ASPRV1: variants seen among roughly 807,000 people sequenced by gnomAD.
The protein encoded by ASPRV1 is retroviral-like aspartic protease 1.
Under a neutral mutation model 11.0 loss-of-function variants are expected in ASPRV1, and 7 were observed. The observed-to-expected ratio is 0.64, with a 90% confidence interval of 0.36 to 1.20. ASPRV1 has a LOEUF of 1.20. ASPRV1 is among the 50% of genes most tolerant of loss of function. The pLI is 0.02. For missense variants in ASPRV1, 299 were observed against 320.0 expected (o/e 0.93, Z 0.50); for synonymous variants, 136 against 138.4 (o/e 0.98, Z 0.12).
downstream of ASPRV1, among the ~76,000 whole-genome samples, chr2:69,956,438 GAGA>G (rs981497562): frequency 1.4e-4 from 14 of 97,730 alleles, no homozygotes. Flanking sequence ...AAAGAAGAAG[GAGA>G]AGGAGAAGAG....
At chr2:70,053,038 CAT>C in the ASPRV1 span, among the ~76,000 whole-genome samples, 1 of 152,168 alleles carries the variant, frequency 6.6e-6, no homozygotes, top group Non-Finnish European at 1.5e-5. Flanking sequence ...TGCCTGTACT[CAT>C]AAGCTATCCT....
At chr2:69,952,958 G>A in the ASPRV1 span, among the ~76,000 whole-genome samples, 2 of 152,174 alleles carry the variant, frequency 1.3e-5, no homozygotes, top group Non-Finnish European at 2.9e-5. Flanking sequence ...CCGTACCAGG[G>A]CAGCACAGAA....
the ASPRV1 span, among the ~76,000 whole-genome samples, chr2:69,951,031 C>T: frequency 6.6e-6 from 1 of 151,902 alleles, no homozygotes; most frequent in Non-Finnish European, 1.5e-5. Flanking sequence ...AAAGAAAATA[C>T]ATTCATATGA....
chr2:69,937,163 G>A, the ASPRV1 span: 1 of 1,583,556 alleles, frequency 6.3e-7, no homozygotes, highest in South Asian at 1.1e-5. Flanking sequence ...CTGCTAGAAG[G>A]GAAGATGCGG....
rs769536694 is a variant in ASPRV1, at chr2:69,961,143, C to G, written c.294G>C (p.Leu98=). 9 of 1,613,880 alleles carry G rather than the reference C, an allele frequency of 5.6e-6. No homozygotes were observed. The highest frequency in any genetic ancestry group is 7.6e-6 in the Non-Finnish European group (9 of 1,179,876). Residue 98 remains leucine (L), a synonymous_variant, in exon 1 of 1, where the codon CTG becomes CTC. Coordinates refer to ENST00000320256, the MANE Select transcript of ASPRV1 (RefSeq NM_152792.4). ...FGVPGAAPSH[L]PKEIVFANSM... The stretch of plus-strand genomic sequence containing the variant: ...TGTTGGCAAAGACGATCTCTTTGGG[C>G]AGGTGGCTGGGGGCAGCCCCAGGGA...
At chr2:70,053,706 C>A in the ASPRV1 span, 5 of 151,992 alleles carry the variant, frequency 3.3e-5, no homozygotes, top group South Asian at 1.0e-3. Context: ...TTCTTCAGGC[C>A]CCAATCTGGC....
At chr2:70,021,320 CT>C in the ASPRV1 span, among the ~76,000 whole-genome samples, 13,864 of 137,358 alleles carry the variant, frequency 0.1, 569 homozygotes, top group South Asian at 0.24. Context: ...TGAATAAATT[CT>C]TTTTTTTTTT....
the ASPRV1 span, among the ~76,000 whole-genome samples, chr2:70,083,176 T>G: frequency 1.3e-5 from 2 of 152,318 alleles, no homozygotes; most frequent in East Asian, 1.9e-4. Context: ...AAGGTAAAGC[T>G]ATCCCACACA....
chr2:69,944,809 T>C, the ASPRV1 span, among the ~76,000 whole-genome samples: 2 of 149,500 alleles, frequency 1.3e-5, no homozygotes, highest in Non-Finnish European at 2.9e-5. Context: ...GGACCCCCCC[T>C]CCTCTACTGC....
the ASPRV1 span, among the ~76,000 whole-genome samples, chr2:70,003,936 G>GC: frequency 6.6e-6 from 1 of 152,122 alleles, no homozygotes. Flanking sequence ...ACGCAGCAAA[G>GC]CCCCTCGATC....
chr2:70,063,675 A>G, the ASPRV1 span, among the ~76,000 whole-genome samples: 1,130 of 152,248 alleles, frequency 7.4e-3, 18 homozygotes, highest in African/African-American at 0.026. Flanking sequence ...TTAAGGTAGG[A>G]TTTCTGGGGA....
At chr2:70,020,673 T>TG in the ASPRV1 span, among the ~76,000 whole-genome samples, 4 of 152,126 alleles carry the variant, frequency 2.6e-5, no homozygotes, top group East Asian at 7.7e-4. Flanking sequence ...ACCTGGGAGA[T>TG]GGAGGTTGCA....
At chr2:70,061,046 AT>A in the ASPRV1 span, among the ~76,000 whole-genome samples, 5 of 152,152 alleles carry the variant, frequency 3.3e-5, no homozygotes, top group South Asian at 6.2e-4. Context: ...CAGTTTCTTT[AT>A]ATAGAGCGGC....
At chr2:70,016,421 T>C in the ASPRV1 span, 2 of 152,084 alleles carry the variant, frequency 1.3e-5, no homozygotes, top group Non-Finnish European at 2.9e-5. Context: ...ACACCTGTAA[T>C]ACCAGCACTT....
At chr2:69,963,052 A>C (rs1303570181), upstream of ASPRV1, 3 of 350,968 alleles carry the variant, frequency 8.5e-6, no homozygotes, top group African/African-American at 6.4e-5. Flanking sequence ...TGCATCACCC[A>C]GTGCCTGGCG....
the ASPRV1 span, among the ~76,000 whole-genome samples, chr2:69,953,621 G>T: frequency 6.6e-6 from 1 of 152,212 alleles, no homozygotes; most frequent in Admixed American, 6.5e-5. Flanking sequence ...AGGGTAAAAA[G>T]AGCTCACCAA....
At chr2:69,995,395 A>G in the ASPRV1 span, 19,076 of 152,006 alleles carry the variant, frequency 0.13, 1,729 homozygotes, top group South Asian at 0.24. Context: ...CCTCAAAAAA[A>G]AAAAAAAAAA....
At chr2:69,993,738 GTCA>G in the ASPRV1 span, 1 of 152,216 alleles carries the variant, frequency 6.6e-6, no homozygotes, top group Non-Finnish European at 1.5e-5. Context: ...CACTGAAGTG[GTCA>G]TCATTATCCC....
chr2:70,082,241 C>A, the ASPRV1 span, among the ~76,000 whole-genome samples: 2 of 152,050 alleles, frequency 1.3e-5, no homozygotes, highest in South Asian at 2.1e-4. Flanking sequence ...CGCCTCACCA[C>A]CTCATCCACA....
Sources: gnomAD v4.1 joint callset for allele counts (sites outside exome capture counted in the v4.1 genomes callset) on GRCh38, gnomAD v4.1.1 for gene constraint, MANE v1.5 for transcripts, NCBI Gene and HGNC (gene_info 2026-07-23, HGNC 2026-07-21) for gene names.